Variants in NRAP observed in about 807,000 individuals in gnomAD.
NRAP encodes the protein nebulin related anchoring protein.
NRAP carries 189 observed loss-of-function variants against 225.9 expected under a neutral mutation model. That is an observed-to-expected ratio of 0.84 (90% CI 0.74 to 0.94). The LOEUF (loss-of-function observed/expected upper bound fraction) is 0.94. Among genes scored for constraint, NRAP ranks in the 40% least tolerant of loss-of-function variants. The pLI, the probability that NRAP is intolerant of heterozygous loss-of-function variation, is 0.00. For missense variants in NRAP, 2,176 were observed against 2,168.7 expected, an observed-to-expected ratio of 1.00 and a Z score of -0.07; for synonymous variants, 769 against 790.7, an observed-to-expected ratio of 0.97 and a Z score of 0.46.
chr10:113,591,018 T>C, intron 39 of NRAP, 129 bp from the exon 40 acceptor site: 2 of 714,392 alleles, frequency 2.8e-6, no homozygotes, highest in Non-Finnish European at 4.7e-6. Context: ...AGGCTTTGGA[T>C]TCAAATAGAC....
chr10:113,614,154 C>A (rs753875197), intron 29 of NRAP, 29 bp downstream of exon 29: 2 of 1,459,912 alleles, frequency 1.4e-6, no homozygotes, highest in Non-Finnish European at 1.9e-6. Context: ...GGGGGCCCTG[C>A]AGCCGCTGAT....
In NRAP at chr10:113,607,424, A is replaced by C. The variant is rs1016883214; in HGVS notation, c.3702+990T>G. ...CAAAAAAAAAAAAAAAAAAAAAAAA[A>C]AAAAAAAAAAAAGAAAAGAAAGAAA... On this transcript the variant is annotated intron_variant, in intron 32 of 41. Coordinates refer to ENST00000359988, the MANE Select transcript of NRAP (RefSeq NM_198060.4). 9.9e-3 allele frequency among the ~76,000 whole-genome samples: 1,156 copies of C among 117,192 alleles called. 31 individuals are homozygous for C. The highest frequency in any genetic ancestry group is 0.032 in the African/African-American group (1,073 of 33,800). The allele number at this position is 117,192 out of a possible 152,430, so 76.9% of individuals were successfully genotyped here. A position where few individuals can be genotyped will look rare whatever the true frequency, so the allele number is the denominator to read the frequency against.
intron 32 of NRAP, among the ~76,000 whole-genome samples, chr10:113,606,778 G>A (rs749284379): frequency 5.9e-5 from 9 of 152,172 alleles, no homozygotes; most frequent in Non-Finnish European, 1.0e-4. Context: ...ATTAGAAATG[G>A]GTCTATGAGC....
chr10:113,614,209 C>T lies in NRAP; in HGVS notation c.3274G>A (p.Val1092Met), dbSNP rs1400921527. The T allele has an allele frequency of 6.2e-7, 1 of 1,613,898 alleles. No homozygotes were observed. The change falls in exon 29 of 42, where the codon GTG becomes ATG. Residue 1092 changes from valine (V) to methionine (M), a missense_variant. Physicochemically the swap from Val to Met is conservative, Grantham distance 21 (BLOSUM62 1). Transcript: ENST00000359988. ...LEDDISLAHSVYATSLQSDVN... is the reference protein window; with the variant it reads ...LEDDISLAHSMYATSLQSDVN... ...TCACTCTGCAGTGAGGTCGCATACA[C>T]TGAATGTGCAAGGCTGATATCATCT...
chr10:113,608,549 G>A (rs780222424), intron 31 of NRAP, 37 bp from the exon 32 acceptor site: 25 of 1,347,634 alleles, frequency 1.9e-5, no homozygotes, highest in East Asian at 2.3e-5. Context: ...AGACGACTCC[G>A]TAAGGGATAA....
At chr10:113,594,399 A>C (rs1304415959) in intron 38 of NRAP, among the ~76,000 whole-genome samples, 1 of 152,146 alleles carries the variant, frequency 6.6e-6, no homozygotes, top group African/African-American at 2.4e-5. Context: ...TGTGAGAGGG[A>C]AGATGCTTCC....
At chr10:113,614,435 A>G in intron 28 of NRAP, 139 bp from the exon 29 acceptor site, 1 of 660,974 alleles carries the variant, frequency 1.5e-6, no homozygotes, top group Non-Finnish European at 2.7e-6. Context: ...GGAGTCGTCA[A>G]AAGGGCTATT....
At chr10:113,606,013 C>G in intron 33 of NRAP, 144 bp from the exon 34 acceptor site, 1 of 780,576 alleles carries the variant, frequency 1.3e-6, no homozygotes, top group South Asian at 1.6e-5. Flanking sequence ...CCTGGGTACA[C>G]TCATGGACTC....
rs773057461 is a variant in NRAP, at chr10:113,650,107, C to T, written c.818G>A (p.Arg273Lys). 1 of 1,612,762 alleles carries T rather than the reference C, an allele frequency of 6.2e-7. No homozygotes were observed. Among genetic ancestry groups the T allele is most frequent in the Non-Finnish European group, 8.5e-7 (1 of 1,178,830 alleles). ...RYHQQYQKEM[R>K]GMAGPAIGAE... ...TCCAATGGCTGGACCAGCCATTCCC[C>T]TCATTTCTTTTTGATATTGTTGATG... Residue 273 changes from arginine to lysine, a missense_variant, in exon 9 of 42, where the codon AGG becomes AAG. This residue lies in a region of NRAP where 1,708 missense variants were observed against 1,695.5 expected (regional missense o/e 1.01). Transcript: ENST00000359988.
intron 8 of NRAP, 104 bp from the exon 9 acceptor site, chr10:113,650,245 T>C: frequency 1.2e-6 from 1 of 836,472 alleles, no homozygotes; most frequent in Non-Finnish European, 2.0e-6. Context: ...TCTGCTTGGA[T>C]CTAGGGAGTA....
At position 113,657,575 on chromosome 10, in the gene NRAP, C is replaced by A. The variant is rs1330424368; in HGVS notation, c.256-1G>T. The A allele has an allele frequency of 6.7e-7, 1 of 1,489,116 alleles. No individual in the cohort carries two copies. The allele number at this position is 1,489,116 out of a possible 1,614,324, so 92.2% of individuals were successfully genotyped here. ...GTTCACCATCTTCTTGGTCATGGAT[C>A]TGCTCAAGGAAGATGTTGTCAGTAA... On this transcript the variant is annotated splice_acceptor_variant, in intron 3 of 41. Transcript: ENST00000359988. LOFTEE classifies it high-confidence loss of function.
intron 14 of NRAP, 81 bp downstream of exon 14, chr10:113,640,146 C>T (rs1349644276): frequency 1.3e-6 from 1 of 762,260 alleles, no homozygotes; most frequent in East Asian, 2.6e-5. Context: ...ATGTTTCTTT[C>T]CATCTTGCTA....
intron 18 of NRAP, 124 bp downstream of exon 18, chr10:113,631,385 G>A: frequency 1.6e-6 from 1 of 626,784 alleles, no homozygotes; most frequent in Non-Finnish European, 2.8e-6. Context: ...TGCAAGCCAG[G>A]AAAGAAAGGA....
intron 40 of NRAP, among the ~76,000 whole-genome samples, chr10:113,590,197 C>T (rs548544196): frequency 3.9e-5 from 6 of 152,290 alleles, no homozygotes; most frequent in African/African-American, 1.4e-4. Context: ...GCATAGCCAT[C>T]GAGAGCTTGG....
Position 113,588,923 on chromosome 10 carries a change from T to C in NRAP, c.*52A>G. 7.0e-7 allele frequency: 1 copy of C among 1,431,944 alleles called. No individual in the cohort carries two copies. The highest frequency in any genetic ancestry group is 9.8e-7 in the Non-Finnish European group (1 of 1,015,956). 88.7% of individuals were successfully genotyped at this position (1,431,944 alleles called of 1,614,324 possible). Reference sequence around the variant, plus strand: ...AAATCAAAGCCATCTGAAGCCTGTCTCTGGTGAACAAACTTCCTCTCTGGC... The same window carrying C: ...AAATCAAAGCCATCTGAAGCCTGTCCCTGGTGAACAAACTTCCTCTCTGGC... On this transcript the variant is annotated 3_prime_UTR_variant, in exon 42 of 42. Transcript: ENST00000359988.
rs895610066 is a variant in NRAP, at chr10:113,626,108, G to C, written c.2183C>G (p.Thr728Ser). The C allele has an allele frequency of 6.2e-7, 1 of 1,611,904 alleles. No homozygotes were observed. The highest frequency in any genetic ancestry group is 1.7e-5 in the Admixed American group (1 of 59,884). ...YRQRVDELKF[T>S]SVTDSSQMEH... is the part of the protein sequence containing the mutation. ...CATCTGGGAGCTGTCGGTCACGCTG[G>C]TGAACTTCAGCTCATCGACCCTCTG... Residue 728 changes from threonine (T) to serine (S), a missense_variant, in exon 21 of 42, where the codon ACC becomes AGC. Physicochemically the swap from Thr to Ser is moderately conservative, Grantham distance 58 (BLOSUM62 1). This residue lies in a region of NRAP where 1,708 missense variants were observed against 1,695.5 expected (regional missense o/e 1.01). Coordinates refer to ENST00000359988, the MANE Select transcript of NRAP (RefSeq NM_198060.4).
rs372273718 is a variant in NRAP at position 113,652,934 on chromosome 10, C to T, written c.570+1G>A. On this transcript the variant is annotated splice_donor_variant, in intron 6 of 41. Transcript: ENST00000359988. LOFTEE classifies it high-confidence loss of function. ...TGGTGAAAAAGCACCCAGGCACTCA[C>T]TTGGCTGGCCAGCTGGTTGGCTTTC... 6.2e-7 allele frequency: 1 copy of T among 1,607,476 alleles called. No individual in the cohort carries two copies.
chr10:113,662,923 TC>T (rs1258787931), intron 2 of NRAP, among the ~76,000 whole-genome samples, 157 bp from the exon 3 acceptor site: 1 of 152,112 alleles, frequency 6.6e-6, no homozygotes, highest in Non-Finnish European at 1.5e-5. Flanking sequence ...AGGCAATGCA[TC>T]TTACAGAAAA....
intron 21 of NRAP, 28 bp from the exon 22 acceptor site, chr10:113,624,958 G>T: frequency 6.6e-7 from 1 of 1,509,148 alleles, no homozygotes. Context: ...TGAGTCAGGA[G>T]CAGGTGGCAA....
Sources: gnomAD v4.1 joint callset for allele counts (sites outside exome capture counted in the v4.1 genomes callset) on GRCh38, gnomAD v4.1.1 for gene constraint, gnomAD v4.1.1 regional missense constraint, MANE v1.5 for transcripts, NCBI Gene and HGNC (gene_info 2026-07-23, HGNC 2026-07-21) for gene names.